PIR: variants seen among roughly 807,000 people sequenced by gnomAD.
PIR encodes the protein pirin, also known as pirin (iron-binding nuclear protein).
PIR carries 22 observed loss-of-function variants against 24.2 expected under a neutral mutation model. The observed-to-expected ratio is 0.91, with a 90% CI of 0.65 to 1.30. The LOEUF is 1.30. Among genes scored for constraint, PIR ranks in the 50% most tolerant of loss-of-function variants. The pLI, the probability that PIR is intolerant of heterozygous loss-of-function variation, is 0.00. For synonymous variants in PIR, 80 were observed against 79.6 expected (o/e 1.00, Z -0.03); for missense variants, 220 against 220.3 (o/e 1.00, Z 0.01).
chrX:15,394,080 T>C lies in PIR; in HGVS notation c.693+3369A>G, dbSNP rs192968504. 4.0e-3 allele frequency among the ~76,000 whole-genome samples: 444 copies of C among 110,768 alleles called. 2 individuals carry two copies. Among genetic ancestry groups the C allele is most frequent in the African/African-American group, 0.014 (429 of 30,406 alleles). On this transcript the variant is annotated intron_variant, in intron 8 of 9. Coordinates refer to ENST00000380420, the MANE Select transcript of PIR (RefSeq NM_001018109.3). ...TGCCAAAAAGGTTGGGGACTGCTGA[T>C]CGAAGGGCATGTTTTTGCATCAATA...
At chrX:15,390,312 G>T (rs1555951772) in intron 8 of PIR, 61 bp from the exon 9 acceptor site, 4 of 638,566 alleles carry the variant, frequency 6.3e-6, no homozygotes, top group Non-Finnish European at 9.8e-6. Flanking sequence ...ATCAAATTGT[G>T]AACAATTTGA....
chrX:15,425,556 C>T (rs1407412099), intron 6 of PIR, among the ~76,000 whole-genome samples: 3 of 110,099 alleles, frequency 2.7e-5, no homozygotes, highest in South Asian at 3.9e-4. Flanking sequence ...GGACTACAGG[C>T]GTGCGCCACC....
chrX:15,412,954 G>A (rs140286347), intron 6 of PIR, among the ~76,000 whole-genome samples: 2,307 of 111,960 alleles, frequency 0.021, 65 homozygotes, highest in African/African-American at 0.07. Flanking sequence ...CCTCTTTGCT[G>A]GTTTGTAAAA....
At chrX:15,485,509 A>C (rs754870547) in intron 2 of PIR, among the ~76,000 whole-genome samples, 9 of 112,129 alleles carry the variant, frequency 8.0e-5, no homozygotes, top group African/African-American at 2.6e-4. Context: ...GATTCAGACC[A>C]AATCAGTACT....
chrX:15,408,147 C>T (rs372603395), intron 6 of PIR, among the ~76,000 whole-genome samples: 52 of 111,058 alleles, frequency 4.7e-4, no homozygotes, highest in African/African-American at 1.7e-3. Context: ...AGTAGAGATG[C>T]GGTTTCACCA....
At chrX:15,428,052 T>G (rs1386239468) in intron 5 of PIR, among the ~76,000 whole-genome samples, 1 of 111,746 alleles carries the variant, frequency 8.9e-6, no homozygotes, top group Non-Finnish European at 1.9e-5. Context: ...ATTGAAGCTT[T>G]GGGGTTTAAA....
In PIR at chrX:15,453,564, G is replaced by A. The variant is rs552082608; in HGVS notation, c.480+2284C>T. 3.2e-4 allele frequency among the ~76,000 whole-genome samples: 36 copies of A among 112,192 alleles called. No homozygotes were observed. In the South Asian group the frequency reaches 0.012, roughly 38 times the overall value. ...AATGCTGCCCATGGTTCCAAGAAGC[G>A]TTATTATTAAAATTCACTCGTAAGA... On this transcript the variant is annotated intron_variant, in intron 5 of 9. Transcript: ENST00000380420.
rs969402878 is a variant in PIR, at chrX:15,424,217, G to A, written c.565+1689C>T. ...AGAAAATGTGATATAAATATACAAT[G>A]AAATATTATTCAGCCATAAAAAGAA... On this transcript the variant is annotated intron_variant, in intron 6 of 9. Transcript: ENST00000380420. 4.5e-5 allele frequency among the ~76,000 whole-genome samples: 5 copies of A among 112,332 alleles called. No individual in the cohort carries two copies. In the Admixed American group the frequency reaches 4.7e-4, roughly 11 times the overall value.
intron 6 of PIR, among the ~76,000 whole-genome samples, chrX:15,418,000 G>A (rs1924983158): frequency 8.9e-6 from 1 of 111,762 alleles, no homozygotes. Context: ...GACATCTTTG[G>A]GGGGACATTA....
At chrX:15,445,986 C>T (rs1485245481) in intron 5 of PIR, among the ~76,000 whole-genome samples, 3 of 108,433 alleles carry the variant, frequency 2.8e-5, no homozygotes, top group Admixed American at 2.0e-4. Context: ...CCCACCACCA[C>T]GCCTGGCTAA....
intron 7 of PIR, among the ~76,000 whole-genome samples, chrX:15,398,744 A>C (rs4830945): frequency 0.49 from 50,098 of 102,046 alleles, 10,170 homozygotes; most frequent in Non-Finnish European, 0.58. Context: ...AGAAATGACT[A>C]TGATGGCAGA....
At chrX:15,477,492 T>C (rs949580507) in intron 3 of PIR, among the ~76,000 whole-genome samples, 6 of 111,960 alleles carry the variant, frequency 5.4e-5, no homozygotes, top group Non-Finnish European at 9.4e-5. Context: ...TAACAAATAT[T>C]GTTGATTAAT....
intron 3 of PIR, among the ~76,000 whole-genome samples, chrX:15,461,130 C>T (rs1429603024): frequency 9.0e-6 from 1 of 111,597 alleles, no homozygotes; most frequent in Non-Finnish European, 1.9e-5. Context: ...AGATGATGGT[C>T]CTGGCATGGT....
chrX:15,484,174 T>G (rs1922661795), intron 2 of PIR, among the ~76,000 whole-genome samples: 1 of 110,972 alleles, frequency 9.0e-6, no homozygotes, highest in South Asian at 3.9e-4. Flanking sequence ...CTGCTTAAAC[T>G]TAAAGAGTAG....
At chrX:15,484,432 A>G (rs1922699440) in intron 2 of PIR, among the ~76,000 whole-genome samples, 2 of 101,307 alleles carry the variant, frequency 2.0e-5, no homozygotes, top group South Asian at 1.0e-3. Flanking sequence ...CGCCCGCCTC[A>G]GTGCCCCAAG....
At chrX:15,482,516 T>C (rs1374646439) in intron 2 of PIR, among the ~76,000 whole-genome samples, 4 of 112,242 alleles carry the variant, frequency 3.6e-5, no homozygotes, top group Admixed American at 2.8e-4. Context: ...GAGACACTTA[T>C]ATGATTTTTT....
At chrX:15,449,218 A>G (rs1926206691) in intron 5 of PIR, among the ~76,000 whole-genome samples, 1 of 110,247 alleles carries the variant, frequency 9.1e-6, no homozygotes, top group Non-Finnish European at 1.9e-5. Flanking sequence ...GAAATCCTCA[A>G]CTCCTTTTTT....
intron 5 of PIR, among the ~76,000 whole-genome samples, chrX:15,427,602 T>C (rs1222767332): frequency 1.8e-5 from 2 of 109,766 alleles, no homozygotes; most frequent in Non-Finnish European, 3.8e-5. Context: ...TGATGTTTCA[T>C]AATGGAAAAC....
At chrX:15,474,598 G>C (rs920403289) in intron 3 of PIR, among the ~76,000 whole-genome samples, 2 of 111,757 alleles carry the variant, frequency 1.8e-5, no homozygotes, top group Admixed American at 1.9e-4. Context: ...CTTGAGAGTA[G>C]AGGTGGCTTT....
Sources: gnomAD v4.1 joint callset for allele counts (sites outside exome capture counted in the v4.1 genomes callset) on GRCh38, gnomAD v4.1.1 for gene constraint, MANE v1.5 for transcripts, NCBI Gene and HGNC (gene_info 2026-07-23, HGNC 2026-07-21) for gene names.